CD300LG: variants seen among roughly 807,000 people sequenced by gnomAD.
The protein encoded by CD300LG is CD300 molecule like family member g.
In CD300LG, 29 loss-of-function variants were observed where a neutral mutation model predicts 31.5. The ratio of observed to expected loss-of-function variants is 0.92; its 90% CI spans 0.68 to 1.25. CD300LG has a LOEUF of 1.25. Among genes scored for constraint, CD300LG ranks in the 50% most tolerant of loss-of-function variants. CD300LG has a pLI of 0.00. For synonymous variants in CD300LG, 175 were observed against 177.2 expected (o/e 0.99, Z 0.10); for missense variants, 396 against 417.6 (o/e 0.95, Z 0.45).
chr17:43,861,205 C>A, intron 6 of CD300LG: 1 of 985,382 alleles, frequency 1.0e-6, no homozygotes, highest in Non-Finnish European at 1.2e-6. Flanking sequence ...CTCTCACCAT[C>A]CCCGAGCCCT....
intron 4 of CD300LG, among the ~76,000 whole-genome samples, chr17:43,854,550 C>T (rs1201400121): frequency 1.3e-5 from 2 of 152,160 alleles, no homozygotes; most frequent in Non-Finnish European, 2.9e-5. Flanking sequence ...ATCCGTTCCA[C>T]ACCTGACAGG....
At chr17:43,852,065 C>A (rs752563279) in intron 2 of CD300LG, among the ~76,000 whole-genome samples, 5 of 152,164 alleles carry the variant, frequency 3.3e-5, no homozygotes, top group Admixed American at 6.5e-5. Context: ...CACAGAGGAA[C>A]AGCATGTCCA....
intron 5 of CD300LG, among the ~76,000 whole-genome samples, chr17:43,856,886 C>A (rs536642904): frequency 6.6e-6 from 1 of 152,212 alleles, no homozygotes; most frequent in Non-Finnish European, 1.5e-5. Context: ...CAGTTTCTGA[C>A]CCTCATGAGA....
rs2046406123 is a variant in CD300LG, at chr17:43,853,023, T to C, written c.481+10T>C. Reference sequence around the variant, plus strand: ...CAGCCCCCAGGATTGAGTGAGTGAATGGCAATTCCGCCCCTTCCCTTGCCA... The same window carrying C: ...CAGCCCCCAGGATTGAGTGAGTGAACGGCAATTCCGCCCCTTCCCTTGCCA... On this transcript the variant is annotated intron_variant, in intron 3 of 6. Coordinates refer to ENST00000317310, the MANE Select transcript of CD300LG (RefSeq NM_145273.4). 6.2e-7 allele frequency: 1 copy of C among 1,604,392 alleles called. No homozygotes were observed. The highest frequency in any genetic ancestry group is 2.3e-5 in the East Asian group (1 of 44,184).
At chr17:43,858,155 A>G (rs758576841) in intron 6 of CD300LG, 56 of 1,268,044 alleles carry the variant, frequency 4.4e-5, no homozygotes, top group Non-Finnish European at 4.9e-5. Flanking sequence ...CAAAAGACTC[A>G]GGCCTGGTCA....
rs148790025 is a variant in CD300LG, at chr17:43,855,254, T to C, written c.767T>C (p.Leu256Pro). 4.0e-5 allele frequency: 64 copies of C among 1,610,248 alleles called. No homozygotes were observed. The highest frequency in any genetic ancestry group is 5.2e-5 in the Non-Finnish European group (61 of 1,178,926). The change falls in exon 5 of 7, where the codon CTG (leucine) becomes CCG (proline). Residue 256 changes from leucine (L) to proline (P), a missense_variant. Transcript: ENST00000317310. ...ATACTGGCCCCAGTCCTGGTGCTGC[T>C]GAGCCTTCTGTCAGCCGCAGGCCTG... Reference protein sequence around the residue: ...VRILAPVLVLLSLLSAAGLIA... With the variant: ...VRILAPVLVLPSLLSAAGLIA...
chr17:43,861,940 A>G lies in CD300LG; in HGVS notation c.*29A>G. 2.6e-6 allele frequency: 4 copies of G among 1,512,150 alleles called. No homozygotes were observed. The highest frequency in any genetic ancestry group is 3.6e-6 in the Non-Finnish European group (4 of 1,109,502). The allele number at this position is 1,512,150 out of a possible 1,614,324, so 93.7% of individuals were successfully genotyped here. On this transcript the variant is annotated 3_prime_UTR_variant, in exon 7 of 7. Transcript: ENST00000317310. ...AGGAGGCCCTCCTGGCCAGGCCAGCAGTGAAGCAGTATGGCTGGCTGGATC... is the reference window on the plus strand; with the variant it reads ...AGGAGGCCCTCCTGGCCAGGCCAGCGGTGAAGCAGTATGGCTGGCTGGATC...
Position 43,862,177 on chromosome 17 carries a change from G to C in CD300LG, c.*266G>C. 3.8e-6 allele frequency: 1 copy of C among 265,132 alleles called. No homozygotes were observed. Among genetic ancestry groups the C allele is most frequent in the Non-Finnish European group, 7.1e-6 (1 of 140,906 alleles). 16.4% of individuals were successfully genotyped at this position (265,132 alleles called of 1,614,324 possible). ...TTCACATCCCTGGGCAGAGTACCAG[G>C]CTGCTGACCCTCAGCAGGGCCAGAC... On this transcript the variant is annotated 3_prime_UTR_variant, in exon 7 of 7. Transcript: ENST00000317310.
At chr17:43,849,007 A>G (rs2046271269) in intron 2 of CD300LG, 114 bp downstream of exon 2, 1 of 930,644 alleles carries the variant, frequency 1.1e-6, no homozygotes, top group Non-Finnish European at 1.6e-6. Context: ...CCTCAGGGAG[A>G]TCATGCAGGT....
intron 4 of CD300LG, among the ~76,000 whole-genome samples, chr17:43,854,559 G>T (rs192711188): frequency 1.4e-3 from 213 of 152,264 alleles, no homozygotes; most frequent in Non-Finnish European, 7.9e-4. Flanking sequence ...ACACCTGACA[G>T]GGCTGATGGG....
chr17:43,849,153 G>A (rs1026815416), intron 2 of CD300LG: 8 of 555,638 alleles, frequency 1.4e-5, no homozygotes, highest in African/African-American at 7.5e-5. Flanking sequence ...GGCTGGGCTC[G>A]GCGCCTTTCC....
intron 3 of CD300LG, among the ~76,000 whole-genome samples, chr17:43,853,275 G>A (rs530777002): frequency 2.9e-4 from 44 of 152,266 alleles, no homozygotes; most frequent in Admixed American, 1.2e-3. Context: ...CCAGAGTCTC[G>A]GGGGCAAGCC....
At chr17:43,847,343 C>G in intron 1 of CD300LG, 84 bp downstream of exon 1, 1 of 1,472,322 alleles carries the variant, frequency 6.8e-7, no homozygotes, top group Non-Finnish European at 9.3e-7. Flanking sequence ...TGACTGATAG[C>G]CCCACCCCAC....
chr17:43,847,401 G>C (rs1002465556), intron 1 of CD300LG, 142 bp downstream of exon 1: 52 of 741,634 alleles, frequency 7.0e-5, no homozygotes, highest in Admixed American at 1.4e-4. Context: ...GGCTGGGGGT[G>C]GGGGGAGGTG....
rs1486761671 is a variant in CD300LG, at chr17:43,861,794, A to G, written c.886-4A>G. On this transcript the variant is annotated splice_polypyrimidine_tract_variant and splice_region_variant and intron_variant, in intron 6 of 6. Coordinates refer to ENST00000317310, the MANE Select transcript of CD300LG (RefSeq NM_145273.4). The stretch of plus-strand genomic sequence containing the variant: ...CTCTCCAAACCCCACTGTTGTCTTT[A>G]CAGACTGCGGAGGAAAAGGAAGCCC... 6.3e-7 allele frequency: 1 copy of G among 1,591,806 alleles called. No individual in the cohort carries two copies.
chr17:43,856,317 A>T (rs1365630228), intron 5 of CD300LG, among the ~76,000 whole-genome samples: 1 of 152,176 alleles, frequency 6.6e-6, no homozygotes, highest in Non-Finnish European at 1.5e-5. Flanking sequence ...GCTGGATGGC[A>T]AAGACTAAAA....
At chr17:43,850,473 A>G (rs1842036748) in intron 2 of CD300LG, among the ~76,000 whole-genome samples, 1 of 151,574 alleles carries the variant, frequency 6.6e-6, no homozygotes, top group South Asian at 2.1e-4. Flanking sequence ...TCATTCATTC[A>G]TTCATTCATT....
chr17:43,857,051 C>A, intron 5 of CD300LG, 53 bp from the exon 6 acceptor site: 1 of 1,579,622 alleles, frequency 6.3e-7, no homozygotes, highest in Non-Finnish European at 8.7e-7. Flanking sequence ...AGCTACAGGC[C>A]ACTCCCGGCT....
chr17:43,859,700 C>G (rs564635158), intron 6 of CD300LG, among the ~76,000 whole-genome samples: 1 of 152,078 alleles, frequency 6.6e-6, no homozygotes, highest in Non-Finnish European at 1.5e-5. Flanking sequence ...TGCACCAAGG[C>G]CCCCTCTGTC....
Sources: allele counts gnomAD v4.1 joint callset (sites outside exome capture counted in the v4.1 genomes callset), GRCh38; gene constraint gnomAD v4.1.1; transcripts MANE v1.5; gene names NCBI Gene and HGNC (gene_info 2026-07-23, HGNC 2026-07-21).